Variants in CLXN observed in about 807,000 individuals in gnomAD.
CLXN encodes the protein calaxin, also known as EF-hand calcium binding domain 1.
chr8:48,722,148 T>C, the CLXN span, among the ~76,000 whole-genome samples: 1 of 152,244 alleles, frequency 6.6e-6, no homozygotes, highest in African/African-American at 2.4e-5. Context: ...GCAAAAAACC[T>C]GACTACGCAT....
At chr8:48,730,169 T>C in the CLXN span, 359 of 323,284 alleles carry the variant, frequency 1.1e-3, 2 homozygotes, top group African/African-American at 7.1e-3. Flanking sequence ...TCAGAATTAA[T>C]TGAGAGTTAA....
the CLXN span, chr8:48,712,198 G>A: frequency 6.6e-6 from 1 of 152,170 alleles, no homozygotes; most frequent in Non-Finnish European, 1.5e-5. Context: ...AAATCCTTCT[G>A]CTTACTTCCA....
At chr8:48,725,006 A>T in the CLXN span, among the ~76,000 whole-genome samples, 1 of 152,334 alleles carries the variant, frequency 6.6e-6, no homozygotes, top group South Asian at 2.1e-4. Flanking sequence ...AAGATGAGCA[A>T]GACCAATTGA....
At chr8:48,729,238 T>C in the CLXN span, 1 of 1,111,946 alleles carries the variant, frequency 9.0e-7, no homozygotes, top group Non-Finnish European at 1.3e-6. Flanking sequence ...TAAAAAAATG[T>C]GCTAGGCTGG....
At chr8:48,727,214 T>TTATC in the CLXN span, among the ~76,000 whole-genome samples, 146 of 111,360 alleles carry the variant, frequency 1.3e-3, 3 homozygotes, top group South Asian at 0.047. Context: ...ATCTATCCAC[T>TTATC]CATCCATCCA....
At chr8:48,714,168 G>A in the CLXN span, among the ~76,000 whole-genome samples, 3 of 152,334 alleles carry the variant, frequency 2.0e-5, no homozygotes, top group South Asian at 6.2e-4. Context: ...CCTAGCAGTC[G>A]GGAGGTGAGG....
the CLXN span, among the ~76,000 whole-genome samples, chr8:48,734,380 T>C: frequency 6.6e-6 from 1 of 152,146 alleles, no homozygotes; most frequent in Non-Finnish European, 1.5e-5. Flanking sequence ...AAACTCAAAG[T>C]TTCCTATGAA....
the CLXN span, among the ~76,000 whole-genome samples, chr8:48,731,016 A>T: frequency 6.6e-6 from 1 of 152,178 alleles, no homozygotes; most frequent in Non-Finnish European, 1.5e-5. Flanking sequence ...ATATCTTGTC[A>T]CTGAAATATC....
the CLXN span, among the ~76,000 whole-genome samples, chr8:48,732,867 G>T: frequency 6.6e-6 from 1 of 152,250 alleles, no homozygotes; most frequent in African/African-American, 2.4e-5. Flanking sequence ...GACACATATT[G>T]TATGATTCCT....
chr8:48,734,269 A>T, the CLXN span, among the ~76,000 whole-genome samples: 1 of 152,204 alleles, frequency 6.6e-6, no homozygotes, highest in African/African-American at 2.4e-5. Flanking sequence ...CAATTAGCAC[A>T]CACAACTTCT....
At chr8:48,720,407 G>A in the CLXN span, among the ~76,000 whole-genome samples, 1 of 152,110 alleles carries the variant, frequency 6.6e-6, no homozygotes, top group Non-Finnish European at 1.5e-5. Context: ...GCATTCCTGG[G>A]GGAAGGTCTA....
At chr8:48,732,986 A>C in the CLXN span, among the ~76,000 whole-genome samples, 1 of 152,302 alleles carries the variant, frequency 6.6e-6, no homozygotes, top group South Asian at 2.1e-4. Flanking sequence ...TAGAGTTTCC[A>C]CTGGGAACAA....
chr8:48,718,857 T>A, the CLXN span, among the ~76,000 whole-genome samples: 13 of 151,372 alleles, frequency 8.6e-5, no homozygotes, highest in Non-Finnish European at 1.6e-4. Context: ...AGAATAGAGA[T>A]CTCAGGTAAA....
the CLXN span, among the ~76,000 whole-genome samples, chr8:48,718,345 G>T: frequency 6.6e-6 from 1 of 151,942 alleles, no homozygotes; most frequent in African/African-American, 2.4e-5. Context: ...AGATCTCAAG[G>T]AATAAATTTA....
the CLXN span, among the ~76,000 whole-genome samples, chr8:48,720,740 T>C: frequency 6.6e-6 from 1 of 152,192 alleles, no homozygotes; most frequent in South Asian, 2.1e-4. Context: ...TGTGATTTTG[T>C]ACCTACTCCC....
the CLXN span, chr8:48,711,141 G>A: frequency 6.6e-6 from 1 of 152,104 alleles, no homozygotes; most frequent in East Asian, 1.9e-4. Context: ...GTCTATCCTT[G>A]GGCTAGTGAC....
At chr8:48,719,523 A>G in the CLXN span, among the ~76,000 whole-genome samples, 6 of 152,226 alleles carry the variant, frequency 3.9e-5, no homozygotes, top group African/African-American at 1.2e-4. Flanking sequence ...TTTCAATAGA[A>G]TACTAGTGAA....
the CLXN span, among the ~76,000 whole-genome samples, chr8:48,733,458 A>C: frequency 6.6e-6 from 1 of 152,206 alleles, no homozygotes; most frequent in Non-Finnish European, 1.5e-5. Context: ...AGAACAGTGC[A>C]TGAACTAGAT....
At chr8:48,729,107 CAT>C in the CLXN span, 1 of 1,613,420 alleles carries the variant, frequency 6.2e-7, no homozygotes, top group Non-Finnish European at 8.5e-7. Context: ...ACAGCCAGTT[CAT>C]AGTCTGCAAA....
Sources: allele counts gnomAD v4.1 joint callset (sites outside exome capture counted in the v4.1 genomes callset), GRCh38; gene constraint gnomAD v4.1.1; transcripts MANE v1.5; gene names NCBI Gene and HGNC (gene_info 2026-07-23, HGNC 2026-07-21).